VAV3: variants seen among roughly 807,000 people sequenced by gnomAD.
VAV3 encodes vav guanine nucleotide exchange factor 3.
In VAV3, 94 loss-of-function variants were observed where a neutral mutation model predicts 131.2. The observed-to-expected ratio is 0.72, with a 90% CI of 0.61 to 0.85. The LOEUF (loss-of-function observed/expected upper bound fraction) is 0.85, where lower values mean the gene tolerates loss of function less well. Among genes scored for constraint, VAV3 ranks in the 40% least tolerant of loss-of-function variants. The pLI is 0.00. For synonymous variants in VAV3, 349 were observed against 342.0 expected, an observed-to-expected ratio of 1.02 and a Z score of -0.22; for missense variants, 939 against 1,002.7, an observed-to-expected ratio of 0.94 and a Z score of 0.86.
chr1:107,960,821 G>A (rs1675048704), intron 1 of VAV3, among the ~76,000 whole-genome samples: 1 of 152,056 alleles, frequency 6.6e-6, no homozygotes, highest in Non-Finnish European at 1.5e-5. Context: ...CCCTTGGAGA[G>A]GACTTTCTTG....
In VAV3 at chr1:107,655,865, C is replaced by A. The variant is rs182965201; in HGVS notation, c.1778-13110G>T. 1.1e-3 allele frequency among the ~76,000 whole-genome samples: 162 copies of A among 152,164 alleles called. 1 individual carries two copies. Among genetic ancestry groups the A allele is most frequent in the African/African-American group, 3.8e-3 (158 of 41,532 alleles). ...TATGAAAAATTCTCAATATCAATAACCATCAGGGAAATGAAAATCAAAACC... is the reference window on the plus strand; with the variant it reads ...TATGAAAAATTCTCAATATCAATAAACATCAGGGAAATGAAAATCAAAACC... On this transcript the variant is annotated intron_variant, in intron 19 of 26. Coordinates refer to ENST00000370056, the MANE Select transcript of VAV3 (RefSeq NM_006113.5).
intron 2 of VAV3, among the ~76,000 whole-genome samples, chr1:107,792,382 A>G (rs1249844761): frequency 1.3e-5 from 2 of 152,206 alleles, no homozygotes; most frequent in Non-Finnish European, 2.9e-5. Flanking sequence ...TCGGTGGCAC[A>G]CTGCAGCCTC....
intron 1 of VAV3, among the ~76,000 whole-genome samples, chr1:107,922,187 T>C (rs1236908073): frequency 4.6e-5 from 7 of 152,146 alleles, no homozygotes; most frequent in Admixed American, 4.6e-4. Flanking sequence ...TCACTCTACC[T>C]TGCACACACC....
chr1:107,703,104 T>C (rs533981752), intron 17 of VAV3, among the ~76,000 whole-genome samples: 41 of 152,206 alleles, frequency 2.7e-4, no homozygotes, highest in African/African-American at 9.2e-4. Context: ...ACAGATATCA[T>C]CTCATCAAGA....
At chr1:107,914,776 C>G (rs72983466) in intron 1 of VAV3, among the ~76,000 whole-genome samples, 1 of 152,148 alleles carries the variant, frequency 6.6e-6, no homozygotes, top group Non-Finnish European at 1.5e-5. Flanking sequence ...ATAGCCAGCA[C>G]TGTACTAAAT....
intron 1 of VAV3, among the ~76,000 whole-genome samples, chr1:107,916,709 G>T (rs1373477315): frequency 1.3e-5 from 2 of 151,942 alleles, no homozygotes; most frequent in African/African-American, 4.8e-5. Context: ...TCTCTTTTTT[G>T]ATCACCAGTG....
intron 20 of VAV3, among the ~76,000 whole-genome samples, chr1:107,642,366 T>C (rs1655405838): frequency 6.6e-6 from 1 of 152,144 alleles, no homozygotes; most frequent in Non-Finnish European, 1.5e-5. Flanking sequence ...TTACCCAATA[T>C]GATCTAAAAA....
intron 17 of VAV3, among the ~76,000 whole-genome samples, chr1:107,699,058 A>C (rs756800008): frequency 3.9e-5 from 6 of 152,216 alleles, no homozygotes; most frequent in Non-Finnish European, 8.8e-5. Flanking sequence ...TCACATCCTC[A>C]TATTCAAAAC....
chr1:107,694,396 G>T (rs1659623230), intron 17 of VAV3, among the ~76,000 whole-genome samples: 1 of 152,084 alleles, frequency 6.6e-6, no homozygotes, highest in Admixed American at 6.6e-5. Flanking sequence ...AGAAAGGGAG[G>T]CATTTTTGTC....
Position 107,617,578 on chromosome 1 carries a change from G to C in VAV3, c.1969C>G (p.Pro657Ala). 1.2e-6 allele frequency: 2 copies of C among 1,612,616 alleles called. No individual in the cohort carries two copies. Among genetic ancestry groups the C allele is most frequent in the Non-Finnish European group, 1.7e-6 (2 of 1,179,264 alleles). ...VGFFPSDAVKPCPCVPKPVDY... is the reference protein window; with the variant it reads ...VGFFPSDAVKACPCVPKPVDY... The stretch of plus-strand genomic sequence containing the variant: ...ATACTAATACTTACACATGGGCAAG[G>C]CTTGACTGCATCACTTGGAAAAAAT... Residue 657 changes from proline to alanine, a missense_variant, in exon 21 of 27, where the codon CCT (proline) becomes GCT (alanine). Transcript: ENST00000370056.
chr1:107,947,982 T>C (rs1674351848), intron 1 of VAV3, among the ~76,000 whole-genome samples: 1 of 152,170 alleles, frequency 6.6e-6, no homozygotes, highest in Non-Finnish European at 1.5e-5. Flanking sequence ...ACTCATACCG[T>C]TGGGAATTTG....
chr1:107,908,686 T>C (rs1049658280), intron 1 of VAV3, among the ~76,000 whole-genome samples: 3 of 152,078 alleles, frequency 2.0e-5, no homozygotes, highest in African/African-American at 7.2e-5. Context: ...TTGTTTTCCA[T>C]GTTAAAAGGA....
chr1:107,582,893 A>G (rs1390833416), intron 25 of VAV3, among the ~76,000 whole-genome samples: 2 of 152,118 alleles, frequency 1.3e-5, no homozygotes, highest in African/African-American at 2.4e-5. Flanking sequence ...GTGTCTTTAT[A>G]GCAGCATGAT....
At position 107,771,501 on chromosome 1, in the gene VAV3, C is replaced by T. The variant is rs112562360; in HGVS notation, c.556-773G>A. Among the ~76,000 whole-genome samples the T allele has an allele frequency of 2.7e-3, 409 of 152,302 alleles. 1 individual carries two copies. The highest frequency in any genetic ancestry group is 8.3e-3 in the African/African-American group (344 of 41,566). ...ATCTCCTGACCTCATGATCTGCCTGCCTCGGCCTCTCAGAGTGCTGGGATT... is the reference window on the plus strand; with the variant it reads ...ATCTCCTGACCTCATGATCTGCCTGTCTCGGCCTCTCAGAGTGCTGGGATT... On this transcript the variant is annotated intron_variant, in intron 5 of 26. Transcript: ENST00000370056.
chr1:107,762,800 G>C (rs1460767632), intron 9 of VAV3, among the ~76,000 whole-genome samples: 1 of 152,200 alleles, frequency 6.6e-6, no homozygotes, highest in Non-Finnish European at 1.5e-5. Context: ...CTACACCTGG[G>C]AGATAGAGAC....
At chr1:107,828,947 C>T (rs957855278) in intron 2 of VAV3, among the ~76,000 whole-genome samples, 1 of 152,172 alleles carries the variant, frequency 6.6e-6, no homozygotes, top group Non-Finnish European at 1.5e-5. Context: ...GTCTGAACTA[C>T]ATCATTTGCA....
chr1:107,667,892 C>G (rs944495706), intron 19 of VAV3, among the ~76,000 whole-genome samples: 3 of 152,144 alleles, frequency 2.0e-5, no homozygotes, highest in Non-Finnish European at 4.4e-5. Context: ...GGAATCGTAG[C>G]ATCCCAAGGT....
chr1:107,669,694 T>C (rs1207356348), intron 19 of VAV3, among the ~76,000 whole-genome samples: 2 of 152,226 alleles, frequency 1.3e-5, no homozygotes, highest in South Asian at 2.1e-4. Context: ...TTTTTCTTTT[T>C]TTTTAGATTG....
At chr1:107,769,814 C>G (rs1214579182) in intron 6 of VAV3, among the ~76,000 whole-genome samples, 1 of 152,094 alleles carries the variant, frequency 6.6e-6, no homozygotes. Context: ...CTCTTTTTTT[C>G]ACATCCTTTA....
Sources: allele counts gnomAD v4.1 joint callset (sites outside exome capture counted in the v4.1 genomes callset), GRCh38; gene constraint gnomAD v4.1.1; transcripts MANE v1.5; gene names NCBI Gene and HGNC (gene_info 2026-07-23, HGNC 2026-07-21).